ANKRD11: variants seen among roughly 807,000 people sequenced by gnomAD.
ANKRD11 encodes ankyrin repeat domain 11, also known as ankyrin repeat domain-containing protein 11.
In ANKRD11, 17 loss-of-function variants were observed where a neutral mutation model predicts 195.7. That is an observed-to-expected ratio of 0.09 (90% CI 0.06 to 0.13). The LOEUF is 0.13. Among genes scored for constraint, ANKRD11 ranks in the 10% least tolerant of loss-of-function variants. The probability of loss-of-function intolerance (pLI) is 1.00; values close to 1 mark genes in which losing one functional copy is unlikely to be tolerated. For missense variants in ANKRD11, 3,735 were observed against 3,566.1 expected, an observed-to-expected ratio of 1.05 and a Z score of -1.21; for synonymous variants, 1,953 against 1,528.1, an observed-to-expected ratio of 1.28 and a Z score of -6.49.
chr16:89,359,802 A>G (rs753381498), intron 2 of ANKRD11, among the ~76,000 whole-genome samples: 4 of 152,214 alleles, frequency 2.6e-5, no homozygotes, highest in African/African-American at 2.4e-5. Context: ...ATGCAGAAAG[A>G]TAAGATAGTT....
At chr16:89,376,437 G>T (rs1180807561) in intron 2 of ANKRD11, among the ~76,000 whole-genome samples, 1 of 152,088 alleles carries the variant, frequency 6.6e-6, no homozygotes, top group Non-Finnish European at 1.5e-5. Flanking sequence ...CCTGAACAGG[G>T]TTTTGTTTTT....
intron 2 of ANKRD11, among the ~76,000 whole-genome samples, chr16:89,372,348 GC>G (rs1427097380): frequency 2.0e-5 from 3 of 152,188 alleles, no homozygotes; most frequent in African/African-American, 7.2e-5. Flanking sequence ...TGCAGGGCCT[GC>G]CGCCGGTGTG....
intron 1 of ANKRD11, among the ~76,000 whole-genome samples, chr16:89,434,602 C>T (rs1242147402): frequency 2.0e-5 from 3 of 152,132 alleles, no homozygotes; most frequent in South Asian, 2.1e-4. Context: ...AAAGCTGGCC[C>T]GACAATCCAT....
chr16:89,290,705 C>T lies in ANKRD11; in HGVS notation c.521G>A (p.Arg174Gln). The stretch of plus-strand genomic sequence containing the variant: ...CCGGGCGTCCCCGCGGATGGCGGCT[C>T]GGTGCAGGCGGGTCTCTCCACGCTC... The part of the protein sequence containing the change: ...RNERGETRLH[R>Q]AAIRGDARRI... Residue 174 changes from arginine (R) to glutamine (Q), a missense_variant, in exon 6 of 13, where the codon CGA becomes CAA. Transcript: ENST00000301030. The T allele has an allele frequency of 3.7e-6, 6 of 1,614,078 alleles. No homozygotes were observed. Among genetic ancestry groups the T allele is most frequent in the Non-Finnish European group, 4.2e-6 (5 of 1,180,014 alleles).
At chr16:89,330,360 G>A (rs949039377) in intron 2 of ANKRD11, among the ~76,000 whole-genome samples, 1 of 152,052 alleles carries the variant, frequency 6.6e-6, no homozygotes, top group Non-Finnish European at 1.5e-5. Context: ...CAGGTGCTAG[G>A]GGAGCCAGTG....
At chr16:89,324,656 C>A (rs2037592596) in intron 2 of ANKRD11, 1 of 379,804 alleles carries the variant, frequency 2.6e-6, no homozygotes, top group South Asian at 2.0e-5. Context: ...CTCCATCTTT[C>A]TTCCATGCTG....
At chr16:89,306,677 ACC>A (rs1214250867) in intron 3 of ANKRD11, among the ~76,000 whole-genome samples, 1 of 52,446 alleles carries the variant, frequency 1.9e-5, no homozygotes, top group African/African-American at 1.1e-4. Context: ...GACACGTGCC[ACC>A]TCCCACTCCG....
At position 89,291,812 on chromosome 16, in the gene ANKRD11, G is replaced by A. The variant is rs1477014024; in HGVS notation, c.227-629C>T. On this transcript the variant is annotated intron_variant, in intron 4 of 12. Transcript: ENST00000301030. This position sits in a 1 kb window ranked among gnomAD's most constrained non-coding sequence, Gnocchi z 5.3. ...TCAACACAGAGCACTAACAAGACAC[G>A]GTGTGAGAGCTCGGCTGTTTCCACC... The A allele has an allele frequency of 9.5e-6, 12 of 1,268,062 alleles. No individual in the cohort carries two copies. The highest frequency in any genetic ancestry group is 4.6e-5 in the Admixed American group (2 of 43,512). 78.6% of individuals were successfully genotyped at this position (1,268,062 alleles called of 1,614,324 possible). A position where few individuals can be genotyped will look rare whatever the true frequency, so the allele number is the denominator to read the frequency against.
rs151185288 is a variant in ANKRD11, at chr16:89,407,118, G to A, written c.-60+11166C>T. ...GGTGAAGCCCAGGTACTCGGGAGGC[G>A]GAGGAGGCGGTGAGTTGAGACGTGC... On this transcript the variant is annotated intron_variant, in intron 2 of 12. Transcript: ENST00000301030. Among the ~76,000 whole-genome samples the A allele has an allele frequency of 5.9e-4, 89 of 152,056 alleles. No homozygotes were observed. In the East Asian group the frequency reaches 0.01, roughly 18 times the overall value.
At chr16:89,386,266 A>AATC (rs987899810) in intron 2 of ANKRD11, among the ~76,000 whole-genome samples, 8 of 152,342 alleles carry the variant, frequency 5.3e-5, no homozygotes, top group African/African-American at 1.7e-4. Flanking sequence ...CCATGTTAAA[A>AATC]ATCAGTCACT....
chr16:89,441,190 C>A (rs147980292), intron 1 of ANKRD11, among the ~76,000 whole-genome samples: 6 of 151,800 alleles, frequency 4.0e-5, no homozygotes, highest in South Asian at 4.2e-4. Context: ...GAGCCAGGAT[C>A]GAGCCACTGC....
Position 89,275,290 on chromosome 16 carries a change from C to T in ANKRD11, c.7471-99G>A. ...CGGGGGTCCCGACTCAGCCTCCCCA[C>T]TCCTAGGAGCCTGCCCTGGAGGCCT... On this transcript the variant is annotated intron_variant, in intron 9 of 12. Transcript: ENST00000301030. 6 of 1,020,444 alleles carry T rather than the reference C, an allele frequency of 5.9e-6. No individual in the cohort carries two copies. The South Asian group carries it at 7.4e-5, about 13-fold the overall frequency. 63.2% of individuals were successfully genotyped at this position (1,020,444 alleles called of 1,614,324 possible). A position where few individuals can be genotyped will look rare whatever the true frequency, so the allele number is the denominator to read the frequency against.
intron 9 of ANKRD11, chr16:89,278,675 C>G (rs1424048643): frequency 6.3e-6 from 3 of 474,602 alleles, no homozygotes; most frequent in Non-Finnish European, 1.3e-5. Context: ...CCACGCGGGT[C>G]CAAGGGAGAA....
chr16:89,443,130 T>TC (rs2043603969), intron 1 of ANKRD11, among the ~76,000 whole-genome samples: 1 of 152,142 alleles, frequency 6.6e-6, no homozygotes, highest in Non-Finnish European at 1.5e-5. Flanking sequence ...TAGCTCGGAT[T>TC]ACAGGCATGC....
At chr16:89,464,667 C>T (rs1031084177) in intron 1 of ANKRD11, among the ~76,000 whole-genome samples, 2 of 146,996 alleles carry the variant, frequency 1.4e-5, no homozygotes, top group African/African-American at 5.0e-5. Context: ...AAATCTGTAA[C>T]AGCACTGGAA....
intron 2 of ANKRD11, among the ~76,000 whole-genome samples, chr16:89,344,829 C>T (rs930811071): frequency 6.6e-6 from 1 of 152,330 alleles, no homozygotes; most frequent in South Asian, 2.1e-4. Context: ...GCAGACGAGG[C>T]GTGAGACTCT....
intron 4 of ANKRD11, among the ~76,000 whole-genome samples, chr16:89,304,629 C>G (rs1597547669): frequency 1.3e-5 from 2 of 152,078 alleles, no homozygotes; most frequent in East Asian, 3.9e-4. Context: ...TACAGGCACA[C>G]ACATGAGGGC....
intron 1 of ANKRD11, among the ~76,000 whole-genome samples, chr16:89,487,605 C>G (rs1440941582): frequency 6.6e-6 from 1 of 152,018 alleles, no homozygotes; most frequent in Non-Finnish European, 1.5e-5. Context: ...GAAACCCCAT[C>G]TCTACTAAAA....
At chr16:89,401,269 G>A (rs543993737) in intron 2 of ANKRD11, among the ~76,000 whole-genome samples, 13 of 152,180 alleles carry the variant, frequency 8.5e-5, no homozygotes, top group Admixed American at 5.2e-4. Flanking sequence ...AGTAGAGACC[G>A]GGTTTCGCCA....
Sources: gnomAD v4.1 joint callset for allele counts (sites outside exome capture counted in the v4.1 genomes callset) on GRCh38, gnomAD v4.1.1 for gene constraint, Gnocchi (gnomAD v3.1) non-coding constraint, MANE v1.5 for transcripts, NCBI Gene and HGNC (gene_info 2026-07-23, HGNC 2026-07-21) for gene names.